Variants in AKAP6 observed in about 807,000 individuals in gnomAD.
AKAP6 encodes the protein A-kinase anchor protein 6.
A neutral mutation model predicts 188.5 loss-of-function variants in AKAP6; 58 were observed. That is an observed-to-expected ratio of 0.31 (90% CI 0.25 to 0.38). AKAP6 has a LOEUF of 0.38. AKAP6 is among the 10% of genes least tolerant of loss of function. The pLI is 1.00. For missense variants in AKAP6, 2,710 were observed against 2,740.0 expected, an observed-to-expected ratio of 0.99 and a Z score of 0.24; for synonymous variants, 989 against 998.6, an observed-to-expected ratio of 0.99 and a Z score of 0.18.
chr14:32,780,792 A>G (rs78565999), intron 12 of AKAP6, among the ~76,000 whole-genome samples: 1,901 of 152,296 alleles, frequency 0.012, 40 homozygotes, highest in African/African-American at 0.043. Flanking sequence ...AACTCATGTC[A>G]TACAAAGTAT....
intron 1 of AKAP6, among the ~76,000 whole-genome samples, chr14:32,364,646 G>C (rs144051446): frequency 1.3e-5 from 2 of 151,876 alleles, no homozygotes; most frequent in East Asian, 1.9e-4. Context: ...CTATCTCGGC[G>C]CTGTCCCCTG....
Position 32,381,344 on chromosome 14 carries a change from A to T in AKAP6, c.-35+51936A>T, listed in dbSNP as rs78294149. Among the ~76,000 whole-genome samples the T allele has an allele frequency of 7.2e-3, 1,048 of 146,506 alleles. 11 individuals are homozygous for T. Among genetic ancestry groups the T allele is most frequent in the African/African-American group, 0.024 (955 of 40,406 alleles). On this transcript the variant is annotated intron_variant, in intron 1 of 13. Coordinates refer to ENST00000280979, the MANE Select transcript of AKAP6 (RefSeq NM_004274.5). The stretch of plus-strand genomic sequence containing the variant: ...GACAGAGTGAGACCCCATCTCAAAT[A>T]AAAAAAAAAATCAGTAAGGTCTTCT...
chr14:32,703,123 A>T (rs1253387287), intron 9 of AKAP6, among the ~76,000 whole-genome samples: 1 of 152,164 alleles, frequency 6.6e-6, no homozygotes, highest in African/African-American at 2.4e-5. Context: ...GCAACTGTTT[A>T]AAAAAATAAA....
chr14:32,405,037 G>C (rs1889241989), intron 1 of AKAP6, among the ~76,000 whole-genome samples: 1 of 151,726 alleles, frequency 6.6e-6, no homozygotes. Context: ...AAGTATGTTG[G>C]CAAACTAGAG....
At chr14:32,741,191 A>G (rs971574070) in intron 11 of AKAP6, among the ~76,000 whole-genome samples, 1 of 152,028 alleles carries the variant, frequency 6.6e-6, no homozygotes, top group African/African-American at 2.4e-5. Flanking sequence ...CTGTTGACAT[A>G]TAGAAACGCT....
At position 32,600,643 on chromosome 14, in the gene AKAP6, C is replaced by A; in HGVS notation, c.2581C>A (p.Leu861Met). The change falls in exon 7 of 14, where the codon CTG becomes ATG. Residue 861 changes from leucine to methionine, a missense_variant. Leu to Met is a conservative substitution (Grantham distance 15, BLOSUM62 2). Around this residue, in one of 2 missense-constraint regions of AKAP6, gnomAD observed 2,473 missense variants for 2,426.1 expected, o/e 1.02. Transcript: ENST00000280979. ...ASHKAGLKDM[L>M]RMIASQWKEL... The stretch of plus-strand genomic sequence containing the variant: ...TTTTGGAGAAGGACTGAAGGACATG[C>A]TGCGGATGATTGCAAGTCAATGGAA... 6.2e-7 allele frequency: 1 copy of A among 1,612,496 alleles called. No individual in the cohort carries two copies. Among genetic ancestry groups the A allele is most frequent in the Non-Finnish European group, 8.5e-7 (1 of 1,179,252 alleles).
intron 9 of AKAP6, among the ~76,000 whole-genome samples, chr14:32,699,463 T>A (rs1890539956): frequency 6.6e-6 from 1 of 152,226 alleles, no homozygotes; most frequent in African/African-American, 2.4e-5. Context: ...ACTTTCTATT[T>A]GAACTATTTC....
chr14:32,570,940 C>T (rs1258907063), intron 4 of AKAP6, among the ~76,000 whole-genome samples: 1 of 152,176 alleles, frequency 6.6e-6, no homozygotes, highest in Non-Finnish European at 1.5e-5. Flanking sequence ...GCCAGTGAGG[C>T]TTTCTGGATT....
intron 2 of AKAP6, among the ~76,000 whole-genome samples, chr14:32,435,861 G>A (rs925717359): frequency 6.6e-6 from 1 of 152,146 alleles, no homozygotes; most frequent in Non-Finnish European, 1.5e-5. Flanking sequence ...CAAGTGTTTG[G>A]TTATATCGCT....
Position 32,829,874 on chromosome 14 carries a change from G to A in AKAP6, c.*69G>A, listed in dbSNP as rs1267003559. The A allele has an allele frequency of 4.3e-6, 3 of 702,136 alleles. No individual in the cohort carries two copies. Among genetic ancestry groups the A allele is most frequent in the Non-Finnish European group, 7.8e-6 (3 of 384,578 alleles). 43.5% of individuals were successfully genotyped at this position (702,136 alleles called of 1,614,324 possible). A position where few individuals can be genotyped will look rare whatever the true frequency, so the allele number is the denominator to read the frequency against. ...TACGCCTGGCTGCAACTCAGGGGTG[G>A]CCTCATCCTCCCGCCCTGGGCTGGC... On this transcript the variant is annotated 3_prime_UTR_variant, in exon 14 of 14. Coordinates refer to ENST00000280979, the MANE Select transcript of AKAP6 (RefSeq NM_004274.5).
intron 2 of AKAP6, among the ~76,000 whole-genome samples, chr14:32,453,644 G>T (rs8005916): frequency 0.37 from 44,303 of 121,298 alleles, 13,228 homozygotes; most frequent in African/African-American, 0.81. Flanking sequence ...TCGCCCAGGC[G>T]GGAGTGCAGT....
chr14:32,557,708 G>A (rs1883753419), intron 4 of AKAP6, among the ~76,000 whole-genome samples: 1 of 152,074 alleles, frequency 6.6e-6, no homozygotes, highest in Admixed American at 6.5e-5. Flanking sequence ...TTCTTCACTG[G>A]CATTCCATTT....
chr14:32,498,179 C>A (rs1241795092), intron 2 of AKAP6, among the ~76,000 whole-genome samples: 2 of 152,098 alleles, frequency 1.3e-5, no homozygotes, highest in African/African-American at 2.4e-5. Context: ...TTACAGCCCA[C>A]ATAATGCAAG....
chr14:32,522,186 T>C (rs535067702), intron 2 of AKAP6, among the ~76,000 whole-genome samples: 2 of 152,276 alleles, frequency 1.3e-5, no homozygotes, highest in South Asian at 2.1e-4. Flanking sequence ...CAAAAATTAA[T>C]TCAATATGGA....
intron 1 of AKAP6, among the ~76,000 whole-genome samples, chr14:32,386,861 G>A (rs1376160716): frequency 6.6e-6 from 1 of 152,068 alleles, no homozygotes; most frequent in African/African-American, 2.4e-5. Flanking sequence ...GTTGAAAACG[G>A]TGTCCTTTCC....
chr14:32,742,933 G>A lies in AKAP6; in HGVS notation c.3372+7051G>A, dbSNP rs542988775. 3.3e-5 allele frequency among the ~76,000 whole-genome samples: 5 copies of A among 152,168 alleles called. No individual in the cohort carries two copies. In the East Asian group the frequency reaches 7.7e-4, roughly 24 times the overall value. On this transcript the variant is annotated intron_variant, in intron 11 of 13. Transcript: ENST00000280979. ...TCCAATGTTTTTTTCTTGATTTTAT[G>A]TCTAGAAGATCTGTCTGATGCTGAA... is the stretch of plus-strand genomic sequence containing the variant.
rs377532096 is a variant in AKAP6, at chr14:32,520,854, A to G, written c.325-14700A>G. On this transcript the variant is annotated intron_variant, in intron 2 of 13. Transcript: ENST00000280979. ...CCCTAACTCATTTTATGAGACTATC[A>G]TCATCCTGATACCAAAGCCTGGCAG... Among the ~76,000 whole-genome samples, 28 of 152,340 alleles carry G rather than the reference A, an allele frequency of 1.8e-4. No homozygotes were observed. The South Asian group carries it at 5.0e-3, about 27-fold the overall frequency.
intron 1 of AKAP6, among the ~76,000 whole-genome samples, chr14:32,408,909 G>A (rs557513454): frequency 3.3e-5 from 5 of 152,106 alleles, no homozygotes; most frequent in Non-Finnish European, 7.4e-5. Context: ...AGTTTATATA[G>A]GCAGGGTGTG....
In AKAP6 at chr14:32,615,591, C is replaced by CTT. The variant is rs779867395; in HGVS notation, c.2730+14820_2730+14821dup. On this transcript the variant is annotated intron_variant, in intron 7 of 13. Transcript: ENST00000280979. Reference sequence around the variant, plus strand: ...TGTTTCCCCCAATGCTAAACCATTACTTTTTTTTTTTTTTTTTTTTTTGAG... The same window carrying CTT: ...TGTTTCCCCCAATGCTAAACCATTACTTTTTTTTTTTTTTTTTTTTTTTTGAG... Among the ~76,000 whole-genome samples, 816 of 115,194 alleles carry CTT rather than the reference C, an allele frequency of 7.1e-3. 27 individuals carry two copies. The highest frequency in any genetic ancestry group is 0.014 in the African/African-American group (360 of 26,032). The allele number at this position is 115,194 out of a possible 152,430, so 75.6% of individuals were successfully genotyped here. A position where few individuals can be genotyped will look rare whatever the true frequency, so the allele number is the denominator to read the frequency against.
Sources: allele counts gnomAD v4.1 joint callset (sites outside exome capture counted in the v4.1 genomes callset), GRCh38; gene constraint gnomAD v4.1.1; regional missense constraint gnomAD v4.1.1; transcripts MANE v1.5; gene names NCBI Gene and HGNC (gene_info 2026-07-23, HGNC 2026-07-21).